HS6ST3: variants seen among roughly 807,000 people sequenced by gnomAD.
HS6ST3 encodes heparan-sulfate 6-O-sulfotransferase 3.
A neutral mutation model predicts 36.7 loss-of-function variants in HS6ST3; 12 were observed. The ratio of observed to expected loss-of-function variants is 0.33; its 90% CI spans 0.21 to 0.53. The LOEUF is 0.53. Ranked by LOEUF, HS6ST3 falls within the 20% of genes least tolerant of loss-of-function variation. The pLI is 0.95. For synonymous variants in HS6ST3, 240 were observed against 257.5 expected (o/e 0.93, Z 0.65); for missense variants, 584 against 640.9 (o/e 0.91, Z 0.96).
At chr13:96,678,324 T>A (rs1250984373) in intron 1 of HS6ST3, among the ~76,000 whole-genome samples, 1 of 152,152 alleles carries the variant, frequency 6.6e-6, no homozygotes, top group Non-Finnish European at 1.5e-5. Context: ...CAGTGTATGC[T>A]TTTTAGGGGA....
At chr13:96,334,147 A>G (rs534024128) in intron 1 of HS6ST3, among the ~76,000 whole-genome samples, 1 of 152,298 alleles carries the variant, frequency 6.6e-6, no homozygotes, top group East Asian at 1.9e-4. Flanking sequence ...AACTGGGTAA[A>G]GGCTGCTTAC....
intron 1 of HS6ST3, among the ~76,000 whole-genome samples, chr13:96,621,120 C>T (rs187862578): frequency 1.3e-5 from 2 of 152,284 alleles, no homozygotes; most frequent in Admixed American, 6.5e-5. Context: ...CAGCTGCAAG[C>T]GGGAGCAAGG....
At chr13:96,294,861 G>A (rs2054847207) in intron 1 of HS6ST3, among the ~76,000 whole-genome samples, 1 of 151,952 alleles carries the variant, frequency 6.6e-6, no homozygotes, top group Non-Finnish European at 1.5e-5. Flanking sequence ...TTCTGAATGA[G>A]GAGAGTGTAT....
chr13:96,762,009 T>C (rs1245149146), intron 1 of HS6ST3, among the ~76,000 whole-genome samples: 1 of 152,168 alleles, frequency 6.6e-6, no homozygotes, highest in African/African-American at 2.4e-5. Flanking sequence ...GACACATATA[T>C]ACACACAGCT....
intron 1 of HS6ST3, among the ~76,000 whole-genome samples, chr13:96,624,870 A>T (rs1211569343): frequency 1.3e-5 from 2 of 152,084 alleles, no homozygotes; most frequent in South Asian, 2.1e-4. Flanking sequence ...TTTTTTTTCC[A>T]ATTTGGGTTA....
chr13:96,232,781 C>G (rs2054514947), intron 1 of HS6ST3, among the ~76,000 whole-genome samples: 1 of 152,074 alleles, frequency 6.6e-6, no homozygotes, highest in Non-Finnish European at 1.5e-5. Flanking sequence ...GTGCTGTGCT[C>G]AAAGATGAGA....
chr13:96,808,360 C>T (rs78232032), intron 1 of HS6ST3, among the ~76,000 whole-genome samples: 2,972 of 152,244 alleles, frequency 0.02, 43 homozygotes, highest in Non-Finnish European at 0.03. Context: ...ACTTCCAGAT[C>T]AAAGCATTTA....
At chr13:96,439,372 A>G (rs1320856186) in intron 1 of HS6ST3, among the ~76,000 whole-genome samples, 2 of 152,260 alleles carry the variant, frequency 1.3e-5, no homozygotes, top group Non-Finnish European at 2.9e-5. Flanking sequence ...AATTATAGCA[A>G]GATGGTTCCG....
At chr13:96,757,794 C>A (rs556071404) in intron 1 of HS6ST3, among the ~76,000 whole-genome samples, 13 of 151,980 alleles carry the variant, frequency 8.6e-5, no homozygotes, top group Non-Finnish European at 1.6e-4. Context: ...ACTATTAAAC[C>A]AATCTTCCAT....
intron 1 of HS6ST3, among the ~76,000 whole-genome samples, chr13:96,375,318 A>G (rs1265210120): frequency 6.6e-6 from 1 of 151,986 alleles, no homozygotes; most frequent in Non-Finnish European, 1.5e-5. Context: ...AGCATGACCT[A>G]TGGCAATCCT....
At chr13:96,601,396 G>T (rs562548151) in intron 1 of HS6ST3, among the ~76,000 whole-genome samples, 3 of 151,788 alleles carry the variant, frequency 2.0e-5, no homozygotes, top group Admixed American at 6.6e-5. Flanking sequence ...CTTCTACTTG[G>T]TCTAGTCTTT....
At chr13:96,510,475 ATG>A (rs1431188428) in intron 1 of HS6ST3, among the ~76,000 whole-genome samples, 7 of 152,176 alleles carry the variant, frequency 4.6e-5, no homozygotes, top group Admixed American at 2.0e-4. Flanking sequence ...GTGCTGGGGA[ATG>A]TCTGCAAGGA....
chr13:96,639,832 T>C (rs2056563913), intron 1 of HS6ST3, among the ~76,000 whole-genome samples: 1 of 152,032 alleles, frequency 6.6e-6, no homozygotes, highest in South Asian at 2.1e-4. Context: ...CCTGTGTGAA[T>C]TTGCATAGGA....
At chr13:96,719,268 TGTCTCAAAAAAAA>T (rs1198775896) in intron 1 of HS6ST3, among the ~76,000 whole-genome samples, 1 of 150,040 alleles carries the variant, frequency 6.7e-6, no homozygotes, top group Non-Finnish European at 1.5e-5. Context: ...AGCAAGACTA[TGTCTCAAAAAAAA>T]AAAAACCAAA....
chr13:96,268,472 T>C (rs1274485191), intron 1 of HS6ST3, among the ~76,000 whole-genome samples: 1 of 151,848 alleles, frequency 6.6e-6, no homozygotes, highest in Non-Finnish European at 1.5e-5. Context: ...CCCCCATCAA[T>C]TACCTCCAAC....
intron 1 of HS6ST3, among the ~76,000 whole-genome samples, chr13:96,346,939 G>C (rs1566333170): frequency 6.6e-6 from 1 of 152,152 alleles, no homozygotes; most frequent in Non-Finnish European, 1.5e-5. Flanking sequence ...ATGCTTTGAT[G>C]AATCAAGCTG....
chr13:96,361,526 C>A (rs1346280213), intron 1 of HS6ST3, among the ~76,000 whole-genome samples: 1 of 152,218 alleles, frequency 6.6e-6, no homozygotes, highest in Non-Finnish European at 1.5e-5. Context: ...TTCTTCCCAT[C>A]TGACAGACTC....
chr13:96,485,513 T>A (rs567720994), intron 1 of HS6ST3, among the ~76,000 whole-genome samples: 53 of 152,278 alleles, frequency 3.5e-4, no homozygotes, highest in African/African-American at 1.3e-3. Context: ...TCATAGATAA[T>A]CATCTGTGAA....
intron 1 of HS6ST3, among the ~76,000 whole-genome samples, chr13:96,289,431 C>T (rs1209372071): frequency 6.6e-6 from 1 of 152,064 alleles, no homozygotes; most frequent in African/African-American, 2.4e-5. Context: ...ACAGATCTCA[C>T]TATATATGGA....
Sources: gnomAD v4.1 joint callset for allele counts (sites outside exome capture counted in the v4.1 genomes callset) on GRCh38, gnomAD v4.1.1 for gene constraint, MANE v1.5 for transcripts, NCBI Gene and HGNC (gene_info 2026-07-23, HGNC 2026-07-21) for gene names.